The following MAPK8IP3 variants were observed in gnomAD, a reference collection of about 807,000 sequenced individuals.
MAPK8IP3 encodes mitogen-activated protein kinase 8 interacting protein 3, also known as C-Jun-amino-terminal kinase-interacting protein 3.
MAPK8IP3 carries 49 observed loss-of-function variants against 157.8 expected under a neutral mutation model. The ratio of observed to expected loss-of-function variants is 0.31; its 90% CI spans 0.25 to 0.39. The LOEUF (loss-of-function observed/expected upper bound fraction) is 0.39, where lower values mean the gene tolerates loss of function less well. Ranked by LOEUF, MAPK8IP3 falls within the 10% of genes least tolerant of loss-of-function variation. The probability of loss-of-function intolerance (pLI) is 1.00; values close to 1 mark genes in which losing one functional copy is unlikely to be tolerated. For missense variants in MAPK8IP3, 1,478 were observed against 1,889.4 expected (o/e 0.78, Z 4.04); for synonymous variants, 897 against 777.7 (o/e 1.15, Z -2.55).
rs1175116259 is a variant in MAPK8IP3 at position 1,724,086 on chromosome 16, T to C, written c.319-471T>C. On this transcript the variant is annotated intron_variant, in intron 1 of 31. Transcript: ENST00000610761. This position sits in a 1 kb window ranked among gnomAD's most constrained non-coding sequence, Gnocchi z 4.1. Reference sequence around the variant, plus strand: ...AGTTGAGGGGAGTCAGATGACTCCATTGCAAACAGGACTGGCTGTGTGCTC... The same window carrying C: ...AGTTGAGGGGAGTCAGATGACTCCACTGCAAACAGGACTGGCTGTGTGCTC... Among the ~76,000 whole-genome samples the C allele has an allele frequency of 6.6e-6, 1 of 152,204 alleles. No homozygotes were observed. The highest frequency in any genetic ancestry group is 1.5e-5 in the Non-Finnish European group (1 of 68,042).
Position 1,763,636 on chromosome 16 carries a change from AC to A in MAPK8IP3, c.1899-18del. ...GCCGCTCACCCTGGACAGAGACATC[AC>A]CCATCATTCTTCCACTCAGCGACTG... is the stretch of plus-strand genomic sequence containing the variant. On this transcript the variant is annotated intron_variant, in intron 16 of 31. Coordinates refer to ENST00000610761, the MANE Select transcript of MAPK8IP3 (RefSeq NM_001318852.2). The A allele has an allele frequency of 6.5e-7, 1 of 1,534,082 alleles. No homozygotes were observed. Among genetic ancestry groups the A allele is most frequent in the South Asian group, 1.2e-5 (1 of 82,156 alleles).
Position 1,751,460 on chromosome 16 carries a change from C to CA in MAPK8IP3, c.1216+2750dup, listed in dbSNP as rs201058101. 9,633 of 147,290 alleles carry CA rather than the reference C, an allele frequency of 0.065. 443 individuals carry two copies. The highest frequency in any genetic ancestry group is 0.16 in the Middle Eastern group (46 of 290). The allele number at this position is 147,290 out of a possible 1,614,324, so 9.1% of individuals were successfully genotyped here. On this transcript the variant is annotated intron_variant, in intron 8 of 31. Transcript: ENST00000610761. This position sits in a 1 kb window ranked among gnomAD's most constrained non-coding sequence, Gnocchi z 5.0. ...GGTGACAGGGAGAGGGACTCTGTCT[C>CA]AAAAAAAAAACTGAGGTCAGGGAGG... is the stretch of plus-strand genomic sequence containing the variant.
In MAPK8IP3 at chr16:1,766,251, C is replaced by A. The variant is rs750007860; in HGVS notation, c.2661C>A (p.Val887=). The change falls in exon 22 of 32, where the codon GTC becomes GTA. Residue 887 remains valine (V), a synonymous_variant. Transcript: ENST00000610761. Reference sequence around the variant, plus strand: ...TGGCCACCATCGCCAACGGGAAGGTCAACCCGTCCCAGTCCACAGAGGAGG... The same window carrying A: ...TGGCCACCATCGCCAACGGGAAGGTAAACCCGTCCCAGTCCACAGAGGAGG... ...GEVATIANGK[V]NPSQSTEEAT... 3.1e-6 allele frequency: 5 copies of A among 1,611,432 alleles called. No homozygotes were observed. The highest frequency in any genetic ancestry group is 1.1e-5 in the South Asian group (1 of 91,074).
intron 1 of MAPK8IP3, among the ~76,000 whole-genome samples, chr16:1,721,307 C>CA (rs59666950): frequency 0.15 from 10,317 of 70,390 alleles, 907 homozygotes; most frequent in African/African-American, 0.31. Flanking sequence ...CACTCTATCT[C>CA]AAAAAAAAAA....
At chr16:1,725,149 TTTA>T (rs71145429) in intron 2 of MAPK8IP3, among the ~76,000 whole-genome samples, 3,557 of 144,430 alleles carry the variant, frequency 0.025, 111 homozygotes, top group African/African-American at 0.074. Context: ...GCAGAAAGGG[TTTA>T]TTATTATTAT....
chr16:1,725,728 G>A (rs528080283), intron 2 of MAPK8IP3, among the ~76,000 whole-genome samples: 8 of 152,046 alleles, frequency 5.3e-5, no homozygotes, highest in Admixed American at 6.6e-5. Flanking sequence ...ACAGAGTTTC[G>A]CTGTTTTTGC....
chr16:1,738,499 CGT>C lies in MAPK8IP3; in HGVS notation c.603-4825_603-4824del, dbSNP rs368703789. Among the ~76,000 whole-genome samples the C allele has an allele frequency of 7.5e-3, 752 of 100,816 alleles. 12 individuals carry two copies. The highest frequency in any genetic ancestry group is 0.028 in the African/African-American group (656 of 23,768). The allele number at this position is 100,816 out of a possible 152,430, so 66.1% of individuals were successfully genotyped here. A position where few individuals can be genotyped will look rare whatever the true frequency, so the allele number is the denominator to read the frequency against. The stretch of plus-strand genomic sequence containing the variant: ...GCATCCGTGTGAGCGTGTGACCGTC[CGT>C]GTGTGTGACCATCCATGTGAGCATC... On this transcript the variant is annotated intron_variant, in intron 4 of 31. Transcript: ENST00000610761.
intron 8 of MAPK8IP3, among the ~76,000 whole-genome samples, chr16:1,750,512 C>T (rs1049497055): frequency 6.6e-5 from 10 of 151,580 alleles, no homozygotes; most frequent in African/African-American, 1.7e-4. Context: ...CATGCCCGGC[C>T]GATAATGTAT....
At position 1,747,204 on chromosome 16, in the gene MAPK8IP3, G is replaced by A. The variant is rs751053601; in HGVS notation, c.923G>A (p.Arg308His). Residue 308 changes from arginine to histidine, a missense_variant, in exon 6 of 32, where the codon CGT becomes CAT. By Grantham distance (29) the Arg-to-His change is conservative (BLOSUM62 0). Transcript: ENST00000610761. ...GGCGTGGGCTCCAAGAACAGCAAGC[G>A]TGCCCGGGAGAAGCGCGACAGCCGC... ...DYGVGSKNSK[R>H]AREKRDSRNM... 28 of 1,613,702 alleles carry A rather than the reference G, an allele frequency of 1.7e-5. No individual in the cohort carries two copies. Among genetic ancestry groups the A allele is most frequent in the Middle Eastern group, 1.6e-4 (1 of 6,084 alleles).
intron 5 of MAPK8IP3, 94 bp from the exon 6 acceptor site, chr16:1,746,935 G>A (rs1330562735): frequency 1.4e-6 from 2 of 1,447,588 alleles, no homozygotes; most frequent in East Asian, 4.9e-5. Context: ...AAAGTGCAAA[G>A]CATTGGTGCG....
chr16:1,753,428 C>A (rs2041408449), intron 8 of MAPK8IP3, among the ~76,000 whole-genome samples: 1 of 151,030 alleles, frequency 6.6e-6, no homozygotes, highest in African/African-American at 2.4e-5. Context: ...AGCCCACATA[C>A]CATTATTTAT....
chr16:1,739,438 CTCCGTGTGACCG>C (rs1409556540), intron 4 of MAPK8IP3, among the ~76,000 whole-genome samples: 3 of 74,004 alleles, frequency 4.1e-5, no homozygotes, highest in African/African-American at 5.4e-5. Context: ...CCGTGTGAGC[CTCCGTGTGACCG>C]TCCGTGTGAG....
chr16:1,707,525 G>A (rs2037479143), intron 1 of MAPK8IP3: 1 of 152,320 alleles, frequency 6.6e-6, no homozygotes, highest in Non-Finnish European at 1.5e-5. Context: ...CTGTGAAGCA[G>A]TTACAAGAGC....
At chr16:1,733,840 G>A (rs923150666) in intron 4 of MAPK8IP3, among the ~76,000 whole-genome samples, 17 of 152,242 alleles carry the variant, frequency 1.1e-4, no homozygotes, top group African/African-American at 4.1e-4. Flanking sequence ...GGATGGATCT[G>A]GGGTGCTCTC....
In MAPK8IP3 at chr16:1,768,338, T is replaced by C. The variant is rs748041990; in HGVS notation, c.3702T>C (p.His1234=). 2 of 1,606,678 alleles carry C rather than the reference T, an allele frequency of 1.2e-6. No homozygotes were observed. Among genetic ancestry groups the C allele is most frequent in the Admixed American group, 1.7e-5 (1 of 60,012 alleles). Residue 1234 remains histidine (H), a synonymous_variant, in exon 30 of 32, where the codon CAT becomes CAC. Transcript: ENST00000610761. The part of the protein sequence containing the change: ...CSMAQAQLCF[H]GHRDAVKFFV... ...TGGCCCAGGCCCAGCTATGCTTCCA[T>C]GGGCACCGCGATGCCGTGAAGTTCT... is the stretch of plus-strand genomic sequence containing the variant.
chr16:1,753,437 AT>A (rs1355800650), intron 8 of MAPK8IP3, among the ~76,000 whole-genome samples: 1 of 141,254 alleles, frequency 7.1e-6, no homozygotes, highest in African/African-American at 2.6e-5. Context: ...ACCATTATTT[AT>A]TTATTTATTT....
chr16:1,746,947 G>T, intron 5 of MAPK8IP3, 82 bp from the exon 6 acceptor site: 1 of 1,500,612 alleles, frequency 6.7e-7, no homozygotes, highest in Non-Finnish European at 9.0e-7. Context: ...ATTGGTGCGC[G>T]GGGCCTCAGG....
In MAPK8IP3 at chr16:1,768,326, G is replaced by A; in HGVS notation, c.3690G>A (p.Gln1230=). The A allele has an allele frequency of 3.1e-6, 5 of 1,608,262 alleles. No homozygotes were observed. The highest frequency in any genetic ancestry group is 4.2e-6 in the Non-Finnish European group (5 of 1,179,936). Residue 1230 remains glutamine, a synonymous_variant, in exon 30 of 32, where the codon CAG becomes CAA. Transcript: ENST00000610761. ...CCTACTGCTCCATGGCCCAGGCCCA[G>A]CTATGCTTCCATGGGCACCGCGATG... is the stretch of plus-strand genomic sequence containing the variant. ...FIPYCSMAQA[Q]LCFHGHRDAV... is the part of the protein sequence containing the mutation.
chr16:1,760,611 T>C (rs2041876837), intron 12 of MAPK8IP3, 79 bp downstream of exon 12: 11 of 1,517,106 alleles, frequency 7.3e-6, no homozygotes, highest in Non-Finnish European at 9.8e-6. Context: ...CTCCAGTGCC[T>C]GCTCTCCAGC....
Sources: gnomAD v4.1 joint callset for allele counts (sites outside exome capture counted in the v4.1 genomes callset) on GRCh38, gnomAD v4.1.1 for gene constraint, Gnocchi (gnomAD v3.1) non-coding constraint, MANE v1.5 for transcripts, NCBI Gene and HGNC (gene_info 2026-07-23, HGNC 2026-07-21) for gene names.